Variants in PCLO observed in about 807,000 individuals in gnomAD.
PCLO encodes the protein piccolo presynaptic cytomatrix protein.
In PCLO, 82 loss-of-function variants were observed where a neutral mutation model predicts 427.5. The ratio of observed to expected loss-of-function variants is 0.19; its 90% confidence interval spans 0.16 to 0.23. PCLO has a LOEUF of 0.23. Among genes scored for constraint, PCLO ranks in the 10% least tolerant of loss-of-function variants. The probability of loss-of-function intolerance (pLI) is 1.00; values close to 1 mark genes in which losing one functional copy is unlikely to be tolerated. For missense variants in PCLO, 6,239 were observed against 6,115.9 expected (o/e 1.02, Z -0.67); for synonymous variants, 2,357 against 2,155.4 (o/e 1.09, Z -2.59).
chr7:82,882,161 TTGTAC>T (rs1211894675), intron 9 of PCLO, among the ~76,000 whole-genome samples: 7 of 152,300 alleles, frequency 4.6e-5, no homozygotes, highest in Middle Eastern at 6.8e-3. Flanking sequence ...ATTTCTATAG[TTGTAC>T]TGTAATGTTT....
At chr7:82,859,544 C>T (rs1792901769) in intron 10 of PCLO, among the ~76,000 whole-genome samples, 1 of 152,240 alleles carries the variant, frequency 6.6e-6, no homozygotes, top group South Asian at 2.1e-4. Context: ...CACAGCATTA[C>T]TGGGCTTGGG....
chr7:82,767,201 G>A (rs1006711913), intron 22 of PCLO, among the ~76,000 whole-genome samples: 1 of 152,134 alleles, frequency 6.6e-6, no homozygotes, highest in African/African-American at 2.4e-5. Flanking sequence ...ATTTGGTTTG[G>A]ATAAAGAGTG....
chr7:82,853,060 T>C (rs1412409941), intron 10 of PCLO, among the ~76,000 whole-genome samples: 2 of 152,130 alleles, frequency 1.3e-5, no homozygotes, highest in Admixed American at 1.3e-4. Context: ...CTCATTCCTT[T>C]TTATGGCTGA....
intron 22 of PCLO, among the ~76,000 whole-genome samples, chr7:82,796,310 G>C (rs548139702): frequency 6.6e-6 from 1 of 152,218 alleles, no homozygotes; most frequent in South Asian, 2.1e-4. Flanking sequence ...ACGTAATTTA[G>C]GAAAATGTGA....
intron 3 of PCLO, among the ~76,000 whole-genome samples, chr7:82,985,919 C>T (rs1796246650): frequency 6.6e-6 from 1 of 151,728 alleles, no homozygotes; most frequent in Admixed American, 6.6e-5. Flanking sequence ...CTGAATAAAT[C>T]TATTATTTTT....
chr7:82,765,477 C>G (rs926006231), intron 22 of PCLO, among the ~76,000 whole-genome samples: 9 of 151,186 alleles, frequency 6.0e-5, no homozygotes, highest in African/African-American at 2.2e-4. Flanking sequence ...TTTGAAAAAC[C>G]CACCAACAAA....
At chr7:82,830,814 C>T (rs961543086) in intron 16 of PCLO, among the ~76,000 whole-genome samples, 1 of 151,822 alleles carries the variant, frequency 6.6e-6, no homozygotes. Context: ...ATTAAAATAC[C>T]TTTGAAGGGA....
intron 3 of PCLO, among the ~76,000 whole-genome samples, chr7:83,074,830 T>A (rs1033576532): frequency 3.9e-5 from 6 of 152,194 alleles, no homozygotes; most frequent in African/African-American, 1.4e-4. Flanking sequence ...ATTTGTGTAT[T>A]CACAGGAAGA....
At chr7:82,991,885 A>T (rs771914980) in intron 3 of PCLO, among the ~76,000 whole-genome samples, 4 of 152,110 alleles carry the variant, frequency 2.6e-5, no homozygotes, top group Non-Finnish European at 4.4e-5. Flanking sequence ...ATATTCCTAT[A>T]GGTACTTTAA....
At chr7:83,054,258 A>AT (rs1789322964) in intron 3 of PCLO, among the ~76,000 whole-genome samples, 2 of 152,074 alleles carry the variant, frequency 1.3e-5, no homozygotes, top group Non-Finnish European at 2.9e-5. Context: ...GAAATGTTGC[A>AT]AAACCAACAC....
At chr7:82,895,003 T>C (rs537999358) in intron 9 of PCLO, among the ~76,000 whole-genome samples, 13 of 152,170 alleles carry the variant, frequency 8.5e-5, no homozygotes, top group African/African-American at 1.9e-4. Context: ...AGTAAAATCA[T>C]AGTCATACTT....
At chr7:82,913,550 G>A (rs1417090048) in intron 7 of PCLO, among the ~76,000 whole-genome samples, 1 of 151,612 alleles carries the variant, frequency 6.6e-6, no homozygotes, top group East Asian at 1.9e-4. Context: ...AACCAAAGGA[G>A]GTGAAAAAAA....
chr7:82,835,294 A>G (rs1792204993), intron 16 of PCLO, among the ~76,000 whole-genome samples: 1 of 152,158 alleles, frequency 6.6e-6, no homozygotes, highest in African/African-American at 2.4e-5. Context: ...TACTTTTGAA[A>G]AATGGCTACA....
chr7:82,874,103 G>T (rs546742211), intron 10 of PCLO, among the ~76,000 whole-genome samples: 1 of 151,706 alleles, frequency 6.6e-6, no homozygotes, highest in African/African-American at 2.4e-5. Context: ...CGCACATATC[G>T]TTTTATTTGC....
chr7:83,088,012 A>T (rs1174799950), intron 3 of PCLO, among the ~76,000 whole-genome samples: 1 of 152,210 alleles, frequency 6.6e-6, no homozygotes, highest in Non-Finnish European at 1.5e-5. Flanking sequence ...GATAAAATGT[A>T]ATCAGATTAT....
intron 3 of PCLO, among the ~76,000 whole-genome samples, chr7:83,012,921 T>C (rs910077092): frequency 6.6e-6 from 1 of 151,040 alleles, no homozygotes; most frequent in African/African-American, 2.4e-5. Context: ...ACTGATGGAG[T>C]TCAACCAATG....
intron 6 of PCLO, among the ~76,000 whole-genome samples, chr7:82,936,274 T>C (rs1252381191): frequency 6.6e-6 from 1 of 151,558 alleles, no homozygotes; most frequent in East Asian, 1.9e-4. Context: ...GGAATGAAGC[T>C]AGAAATCAAT....
At chr7:82,916,918 A>C in intron 6 of PCLO, 45 bp from the exon 7 acceptor site, 1 of 1,303,694 alleles carries the variant, frequency 7.7e-7, no homozygotes, top group East Asian at 2.4e-5. Flanking sequence ...ATAAAGAAAA[A>C]TAAAAACCAA....
At chr7:82,881,641 T>C (rs905566186) in intron 9 of PCLO, among the ~76,000 whole-genome samples, 11 of 152,144 alleles carry the variant, frequency 7.2e-5, no homozygotes, top group African/African-American at 2.4e-4. Context: ...CTTGTTGACA[T>C]TGCTGCTATT....
Sources: allele counts gnomAD v4.1 joint callset (sites outside exome capture counted in the v4.1 genomes callset), GRCh38; gene constraint gnomAD v4.1.1; transcripts MANE v1.5; gene names NCBI Gene and HGNC (gene_info 2026-07-23, HGNC 2026-07-21).